Variants in HDAC9 observed in about 807,000 individuals in gnomAD.
HDAC9 encodes MEF-2 interacting transcription repressor (MITR) protein.
Under a neutral mutation model 139.4 loss-of-function variants are expected in HDAC9, and 41 were observed. The observed-to-expected ratio is 0.29, with a 90% CI of 0.23 to 0.38. The LOEUF (loss-of-function observed/expected upper bound fraction) is 0.38. HDAC9 is among the 10% of genes least tolerant of loss of function. The pLI is 1.00. For missense variants in HDAC9, 1,147 were observed against 1,297.0 expected (o/e 0.88, Z 1.78); for synonymous variants, 517 against 476.2 (o/e 1.09, Z -1.12).
intron 1 of HDAC9, among the ~76,000 whole-genome samples, chr7:18,347,888 T>C (rs887309128): frequency 9.9e-5 from 15 of 152,162 alleles, no homozygotes; most frequent in African/African-American, 3.4e-4. Context: ...GCAGTATGTT[T>C]TTAATCTGTA....
chr7:18,297,117 C>A (rs964534463), intron 1 of HDAC9, among the ~76,000 whole-genome samples: 1 of 151,904 alleles, frequency 6.6e-6, no homozygotes, highest in Admixed American at 6.6e-5. Flanking sequence ...CGTGTAGGTA[C>A]GAGTTGAAGC....
At chr7:18,979,975 T>C (rs1784793425) in intron 25 of HDAC9, among the ~76,000 whole-genome samples, 1 of 152,180 alleles carries the variant, frequency 6.6e-6, no homozygotes, top group Non-Finnish European at 1.5e-5. Flanking sequence ...CCAAACTATA[T>C]TAGCAGGCAA....
chr7:18,177,650 C>T lies in HDAC9; in HGVS notation c.25+15301C>T, dbSNP rs144643798. Among the ~76,000 whole-genome samples, 395 of 152,288 alleles carry T rather than the reference C, an allele frequency of 2.6e-3. 1 individual carries two copies. The highest frequency in any genetic ancestry group is 4.9e-3 in the Non-Finnish European group (333 of 68,026). On this transcript the variant is annotated intron_variant, in intron 2 of 12. Coordinates refer to the HDAC9 transcript ENST00000417496. ...GGTGACGCTGACATTTGTTACCTCTCTCAGTTCTGGAACTTACCTTAGTAC... is the reference window on the plus strand; with the variant it reads ...GGTGACGCTGACATTTGTTACCTCTTTCAGTTCTGGAACTTACCTTAGTAC...
intron 16 of HDAC9, among the ~76,000 whole-genome samples, chr7:18,775,853 G>A (rs959299653): frequency 6.6e-6 from 1 of 151,988 alleles, no homozygotes; most frequent in African/African-American, 2.4e-5. Flanking sequence ...AGTTGAACCA[G>A]ATTCAAATTC....
intron 1 of HDAC9, among the ~76,000 whole-genome samples, chr7:18,155,564 C>T (rs1787126526): frequency 6.6e-6 from 1 of 152,150 alleles, no homozygotes; most frequent in African/African-American, 2.4e-5. Context: ...ATATGCATAA[C>T]TAACCTCCCA....
intron 2 of HDAC9, among the ~76,000 whole-genome samples, chr7:18,218,149 G>A (rs116745999): frequency 0.015 from 2,356 of 152,246 alleles, 59 homozygotes; most frequent in African/African-American, 0.053. Context: ...ACTACTTTCA[G>A]AAGTTACATA....
At chr7:18,597,231 C>G (rs959047496) in intron 6 of HDAC9, among the ~76,000 whole-genome samples, 2 of 152,148 alleles carry the variant, frequency 1.3e-5, no homozygotes, top group Non-Finnish European at 2.9e-5. Flanking sequence ...GACTTCTCCT[C>G]CTTTCACAAC....
chr7:18,980,791 TC>T (rs1297445947), intron 25 of HDAC9, among the ~76,000 whole-genome samples: 1 of 148,824 alleles, frequency 6.7e-6, no homozygotes, highest in Non-Finnish European at 1.5e-5. Context: ...TTCTTCTTCT[TC>T]CTTCTTCCTT....
intron 1 of HDAC9, among the ~76,000 whole-genome samples, chr7:18,141,433 C>T (rs1370006963): frequency 1.3e-5 from 2 of 152,060 alleles, no homozygotes; most frequent in African/African-American, 4.8e-5. Flanking sequence ...GCCTGAGCTG[C>T]TGCTTGAGCA....
intron 1 of HDAC9, among the ~76,000 whole-genome samples, chr7:18,378,745 G>T (rs527557574): frequency 2.6e-5 from 4 of 152,106 alleles, no homozygotes; most frequent in Admixed American, 2.0e-4. Flanking sequence ...TTTTATAAAT[G>T]CATAGCCCAT....
chr7:18,210,443 T>C (rs1328253583), intron 2 of HDAC9, among the ~76,000 whole-genome samples: 1 of 152,224 alleles, frequency 6.6e-6, no homozygotes, highest in Non-Finnish European at 1.5e-5. Flanking sequence ...TCCATAACTT[T>C]TAATATTTTT....
intron 14 of HDAC9, among the ~76,000 whole-genome samples, chr7:18,757,175 G>C (rs1464789690): frequency 6.6e-6 from 1 of 152,062 alleles, no homozygotes; most frequent in Non-Finnish European, 1.5e-5. Flanking sequence ...TTGACACTAA[G>C]AAGTCATTTA....
At chr7:18,627,984 T>C (rs925834899) in intron 6 of HDAC9, among the ~76,000 whole-genome samples, 4 of 152,134 alleles carry the variant, frequency 2.6e-5, no homozygotes, top group Admixed American at 6.6e-5. Context: ...GTATAGATAT[T>C]TGAAGACTAA....
intron 1 of HDAC9, among the ~76,000 whole-genome samples, chr7:18,356,369 T>TTTG (rs1783294906): frequency 7.1e-6 from 1 of 141,146 alleles, no homozygotes; most frequent in African/African-American, 2.7e-5. Flanking sequence ...TTTTTTTTTT[T>TTTG]TTTTTTTTTT....
intron 17 of HDAC9, chr7:18,808,088 T>TA (rs1177938539): frequency 6.6e-6 from 1 of 152,210 alleles, no homozygotes; most frequent in Non-Finnish European, 1.5e-5. Context: ...CAGCTACTTG[T>TA]GTACCCTTGA....
chr7:18,399,257 G>C lies in HDAC9; in HGVS notation c.-41-97005G>C, dbSNP rs534584094. Among the ~76,000 whole-genome samples, 240 of 152,192 alleles carry C rather than the reference G, an allele frequency of 1.6e-3. 1 individual carries two copies. Among genetic ancestry groups the C allele is most frequent in the Non-Finnish European group, 3.0e-3 (207 of 68,018 alleles). On this transcript the variant is annotated intron_variant, in intron 1 of 3. Coordinates refer to the HDAC9 transcript ENST00000413509. Reference sequence around the variant, plus strand: ...TATAAGCTTTTTATCAGGTGGTACTGAGTAAAACAATATGGGAAACTGAAA... The same window carrying C: ...TATAAGCTTTTTATCAGGTGGTACTCAGTAAAACAATATGGGAAACTGAAA...
At chr7:18,248,942 T>C (rs1794738990) in intron 2 of HDAC9, among the ~76,000 whole-genome samples, 1 of 152,206 alleles carries the variant, frequency 6.6e-6, no homozygotes, top group Admixed American at 6.5e-5. Flanking sequence ...AAAGCTTATT[T>C]TTGCTTTGTA....
intron 2 of HDAC9, among the ~76,000 whole-genome samples, chr7:18,581,277 T>G (rs918579015): frequency 3.3e-5 from 5 of 152,140 alleles, no homozygotes; most frequent in Non-Finnish European, 7.4e-5. Context: ...GACTGGGATC[T>G]TGCCTGCCAC....
At chr7:18,847,755 G>A (rs2129221160) in intron 21 of HDAC9, among the ~76,000 whole-genome samples, 1 of 152,308 alleles carries the variant, frequency 6.6e-6, no homozygotes, top group East Asian at 1.9e-4. Flanking sequence ...CCGCTGCTCT[G>A]CCTTTGGTCC....
Sources: gnomAD v4.1 joint callset for allele counts (sites outside exome capture counted in the v4.1 genomes callset) on GRCh38, gnomAD v4.1.1 for gene constraint, MANE v1.5 for transcripts, NCBI Gene and HGNC (gene_info 2026-07-23, HGNC 2026-07-21) for gene names.